The following ALMS1 variants were observed in gnomAD, a reference collection of about 807,000 sequenced individuals.
The protein encoded by ALMS1 is centrosome-associated protein ALMS1.
A neutral mutation model predicts 352.2 loss-of-function variants in ALMS1; 271 were observed. The observed-to-expected ratio is 0.77, with a 90% CI of 0.70 to 0.85. The LOEUF (loss-of-function observed/expected upper bound fraction) is 0.85, where lower values mean the gene tolerates loss of function less well. Among genes scored for constraint, ALMS1 ranks in the 40% least tolerant of loss-of-function variants. The pLI, the probability that ALMS1 is intolerant of heterozygous loss-of-function variation, is 0.00. For missense variants in ALMS1, 5,445 were observed against 4,870.7 expected (o/e 1.12, Z -3.51); for synonymous variants, 1,865 against 1,761.2 (o/e 1.06, Z -1.48).
chr2:73,521,737 G>A (rs1450279440), intron 11 of ALMS1, among the ~76,000 whole-genome samples: 10 of 151,924 alleles, frequency 6.6e-5, no homozygotes, highest in Middle Eastern at 3.4e-3. Context: ...GCGACACAGC[G>A]AGACTCCGTT....
intron 21 of ALMS1, among the ~76,000 whole-genome samples, chr2:73,605,032 A>G (rs965616813): frequency 6.6e-6 from 1 of 152,218 alleles, no homozygotes; most frequent in African/African-American, 2.4e-5. Flanking sequence ...CACTTATGCC[A>G]TGGTTTGTGT....
At chr2:73,422,515 G>A (rs1398396066) in intron 3 of ALMS1, among the ~76,000 whole-genome samples, 3 of 152,046 alleles carry the variant, frequency 2.0e-5, no homozygotes, top group African/African-American at 4.8e-5. Flanking sequence ...GAAATGCTTG[G>A]GTTCAAATCT....
chr2:73,547,113 C>T (rs937718005), intron 12 of ALMS1, among the ~76,000 whole-genome samples: 2 of 152,268 alleles, frequency 1.3e-5, no homozygotes, highest in Admixed American at 1.3e-4. Flanking sequence ...ATAAAATAGA[C>T]TTCATGTTAG....
chr2:73,438,220 T>C (rs1166197856), intron 7 of ALMS1, among the ~76,000 whole-genome samples: 1 of 152,226 alleles, frequency 6.6e-6, no homozygotes, highest in African/African-American at 2.4e-5. Flanking sequence ...GTTTGATTCA[T>C]ATTGTATTGA....
At chr2:73,558,836 C>A in intron 14 of ALMS1, 136 bp from the exon 15 acceptor site, 1 of 949,174 alleles carries the variant, frequency 1.1e-6, no homozygotes, top group Non-Finnish European at 1.6e-6. Context: ...CAATTATTTT[C>A]TAAACGCATT....
intron 10 of ALMS1, among the ~76,000 whole-genome samples, chr2:73,501,885 A>G (rs574024136): frequency 1.3e-5 from 2 of 152,222 alleles, no homozygotes; most frequent in East Asian, 1.9e-4. Context: ...CAGTCTTCCT[A>G]TGCATGAACA....
intron 10 of ALMS1, among the ~76,000 whole-genome samples, chr2:73,507,639 A>ATT (rs1673355541): frequency 6.6e-6 from 1 of 151,730 alleles, no homozygotes; most frequent in Admixed American, 6.6e-5. Flanking sequence ...ATCATTTTTT[A>ATT]TTGTGTCTAT....
Position 73,572,459 on chromosome 2 carries a change from C to T in ALMS1, c.10582C>T (p.Leu3528Phe). The change falls in exon 16 of 23, where the codon CTT becomes TTT. Residue 3528 changes from leucine to phenylalanine, a missense_variant. Physicochemically the swap from Leu to Phe is conservative, Grantham distance 22. Transcript: ENST00000613296. ...HPDKHREHMC[L>F]PLPYQNMDKT... ...AGACAAACATAGAGAACACATGTGT[C>T]TTCCTCTTCCTTATCAAAACATGGA... 1.2e-6 allele frequency: 2 copies of T among 1,613,930 alleles called. No individual in the cohort carries two copies. Among genetic ancestry groups the T allele is most frequent in the Non-Finnish European group, 1.7e-6 (2 of 1,179,952 alleles).
In ALMS1 at chr2:73,451,949, C is replaced by A; in HGVS notation, c.5422C>A (p.His1808Asn). 6.2e-7 allele frequency: 1 copy of A among 1,613,242 alleles called. No individual in the cohort carries two copies. Among genetic ancestry groups the A allele is most frequent in the Non-Finnish European group, 8.5e-7 (1 of 1,179,734 alleles). Reference protein sequence around the residue: ...VSTVTSTSYSHREKPIVSYQR... With the variant: ...VSTVTSTSYSNREKPIVSYQR... Reference sequence around the variant, plus strand: ...AACAGTAACCTCTACTTCCTACTCACACAGAGAGAAGCCCATTGTTTCCTA... The same window carrying A: ...AACAGTAACCTCTACTTCCTACTCAAACAGAGAGAAGCCCATTGTTTCCTA... The change falls in exon 8 of 23, where the codon CAC (histidine) becomes AAC (asparagine). Residue 1808 changes from histidine (H) to asparagine (N), a missense_variant. Coordinates refer to ENST00000613296, the MANE Select transcript of ALMS1 (RefSeq NM_001378454.1).
At chr2:73,543,480 C>T (rs1354925823) in intron 12 of ALMS1, among the ~76,000 whole-genome samples, 1 of 152,056 alleles carries the variant, frequency 6.6e-6, no homozygotes, top group Non-Finnish European at 1.5e-5. Flanking sequence ...TCTAAAACAC[C>T]AAAAGCAATG....
At chr2:73,551,726 G>A (rs1024186218) in intron 13 of ALMS1, among the ~76,000 whole-genome samples, 19 of 151,998 alleles carry the variant, frequency 1.3e-4, no homozygotes, top group East Asian at 1.9e-4. Flanking sequence ...ATGAGCCACC[G>A]TGTCTGGCCC....
At chr2:73,419,043 G>A (rs1323323077) in intron 2 of ALMS1, 80 bp from the exon 3 acceptor site, 30 of 1,184,154 alleles carry the variant, frequency 2.5e-5, no homozygotes, top group Non-Finnish European at 3.6e-5. Flanking sequence ...TAATACATGA[G>A]TGGACATTTT....
intron 9 of ALMS1, among the ~76,000 whole-genome samples, chr2:73,480,453 A>C (rs1412784793): frequency 1.3e-5 from 2 of 152,088 alleles, no homozygotes; most frequent in African/African-American, 4.8e-5. Flanking sequence ...TATGTGCCAC[A>C]TTTTCTTAAT....
At position 73,448,398 on chromosome 2, in the gene ALMS1, A is replaced by G. The variant is rs41291187; in HGVS notation, c.1871A>G (p.His624Arg). 33,233 of 1,614,026 alleles carry G rather than the reference A, an allele frequency of 0.021. 423 individuals are homozygous for G. Among genetic ancestry groups the G allele is most frequent in the Non-Finnish European group, 0.025 (29,328 of 1,179,910 alleles). Residue 624 changes from histidine (H) to arginine (R), a missense_variant, in exon 8 of 23, where the codon CAT becomes CGT. By Grantham distance (29) the His-to-Arg change is conservative (BLOSUM62 0). Coordinates refer to ENST00000613296, the MANE Select transcript of ALMS1 (RefSeq NM_001378454.1). ...ACTCTAACCTCTACTTCCTACTCAC[A>G]TAGAGAGAAGCCTGGTACTTTTTAC... The part of the protein sequence containing the change: ...MSTLTSTSYS[H>R]REKPGTFYQQ...
At chr2:73,488,185 G>A (rs1672896362) in intron 9 of ALMS1, among the ~76,000 whole-genome samples, 1 of 152,178 alleles carries the variant, frequency 6.6e-6, no homozygotes, top group African/African-American at 2.4e-5. Flanking sequence ...CACCCAGGCT[G>A]TTTATGTCAG....
intron 9 of ALMS1, among the ~76,000 whole-genome samples, chr2:73,475,686 T>A (rs1672567548): frequency 6.6e-6 from 1 of 152,122 alleles, no homozygotes; most frequent in Non-Finnish European, 1.5e-5. Context: ...TTCTTGATGG[T>A]GACCTTTGAT....
intron 16 of ALMS1, among the ~76,000 whole-genome samples, chr2:73,591,954 C>A (rs1217998935): frequency 6.6e-6 from 1 of 152,152 alleles, no homozygotes; most frequent in Admixed American, 6.5e-5. Context: ...TTCTTTCTGT[C>A]CAACCCAAAG....
At chr2:73,504,448 C>G (rs866603090) in intron 10 of ALMS1, among the ~76,000 whole-genome samples, 38 of 152,260 alleles carry the variant, frequency 2.5e-4, no homozygotes, top group Middle Eastern at 3.4e-3. Flanking sequence ...CCCTGAAAGC[C>G]AGTGATCTGT....
chr2:73,542,683 A>G (rs983239967), intron 12 of ALMS1, among the ~76,000 whole-genome samples: 4 of 152,236 alleles, frequency 2.6e-5, no homozygotes, highest in African/African-American at 7.2e-5. Context: ...ATACAAAATC[A>G]GTGTAGAAAA....
Sources: allele counts gnomAD v4.1 joint callset (sites outside exome capture counted in the v4.1 genomes callset), GRCh38; gene constraint gnomAD v4.1.1; transcripts MANE v1.5; gene names NCBI Gene and HGNC (gene_info 2026-07-23, HGNC 2026-07-21).